EIF2AK1: variants seen among roughly 807,000 people sequenced by gnomAD.
EIF2AK1 encodes eukaryotic translation initiation factor 2-alpha kinase 1.
EIF2AK1 carries 54 observed loss-of-function variants against 77.9 expected under a neutral mutation model. That is an observed-to-expected ratio of 0.69 (90% CI 0.56 to 0.87). The LOEUF (loss-of-function observed/expected upper bound fraction) is 0.87. Ranked by LOEUF, EIF2AK1 falls within the 40% of genes least tolerant of loss-of-function variation. The pLI, the probability that EIF2AK1 is intolerant of heterozygous loss-of-function variation, is 0.00. For missense variants in EIF2AK1, 810 were observed against 768.6 expected, an observed-to-expected ratio of 1.05 and a Z score of -0.64; for synonymous variants, 314 against 290.5, an observed-to-expected ratio of 1.08 and a Z score of -0.82.
chr7:6,029,904 T>C (rs1787855956), intron 11 of EIF2AK1, among the ~76,000 whole-genome samples: 1 of 151,304 alleles, frequency 6.6e-6, no homozygotes, highest in African/African-American at 2.4e-5. Context: ...TGCTTGAACC[T>C]GGGAGGCAGA....
At chr7:6,031,719 CCA>C in intron 11 of EIF2AK1, 1 of 890,152 alleles carries the variant, frequency 1.1e-6, no homozygotes, top group Non-Finnish European at 1.7e-6. Flanking sequence ...CCAGCTCACT[CCA>C]CACACACTGC....
At chr7:6,053,664 A>G (rs1049329148) in intron 2 of EIF2AK1, among the ~76,000 whole-genome samples, 1 of 86,380 alleles carries the variant, frequency 1.2e-5, no homozygotes, top group Admixed American at 1.4e-4. Context: ...CGCCCAGCCC[A>G]TTCTTTTTTT....
Position 6,023,922 on chromosome 7 carries a change from CA to C in EIF2AK1, c.*750del. 3 of 1,475,678 alleles carry C rather than the reference CA, an allele frequency of 2.0e-6. No individual in the cohort carries two copies. Among genetic ancestry groups the C allele is most frequent in the Non-Finnish European group, 2.7e-6 (3 of 1,108,162 alleles). The allele number at this position is 1,475,678 out of a possible 1,614,324, so 91.4% of individuals were successfully genotyped here. ...TCCATGGCAGACCCTTTCTGGGATTCAAAAACCAATTCATCAGATCGCTGCC... is the reference window on the plus strand; with the variant it reads ...TCCATGGCAGACCCTTTCTGGGATTCAAAACCAATTCATCAGATCGCTGCC... On this transcript the variant is annotated 3_prime_UTR_variant, in exon 15 of 15. Coordinates refer to ENST00000199389, the MANE Select transcript of EIF2AK1 (RefSeq NM_014413.4).
chr7:6,025,455 C>T (rs1787716100), intron 14 of EIF2AK1, among the ~76,000 whole-genome samples: 1 of 151,970 alleles, frequency 6.6e-6, no homozygotes, highest in Non-Finnish European at 1.5e-5. Flanking sequence ...CCACCACGCC[C>T]AATGCTTGTA....
At position 6,024,614 on chromosome 7, in the gene EIF2AK1, C is replaced by T; in HGVS notation, c.*59G>A. The T allele has an allele frequency of 6.2e-7, 1 of 1,609,762 alleles. No homozygotes were observed. Among genetic ancestry groups the T allele is most frequent in the East Asian group, 2.2e-5 (1 of 44,718 alleles). ...ACAACGAAGCATTGTACCAACTATA[C>T]CCTAATAAAGATTAAAAATTTACAT... On this transcript the variant is annotated 3_prime_UTR_variant, in exon 15 of 15. Coordinates refer to ENST00000199389, the MANE Select transcript of EIF2AK1 (RefSeq NM_014413.4).
chr7:6,052,005 T>C (rs1430572764), intron 2 of EIF2AK1, among the ~76,000 whole-genome samples: 1 of 151,754 alleles, frequency 6.6e-6, no homozygotes, highest in Non-Finnish European at 1.5e-5. Context: ...ACTCCGTCTC[T>C]ACTAAAAATA....
At chr7:6,055,247 G>T (rs1267433041) in intron 1 of EIF2AK1, among the ~76,000 whole-genome samples, 1 of 148,754 alleles carries the variant, frequency 6.7e-6, no homozygotes, top group Non-Finnish European at 1.5e-5. Context: ...GGAGGCTGAG[G>T]CAGGAAAATA....
rs1432052785 is a variant in EIF2AK1, at chr7:6,033,037, C to T, written c.1333-4005G>A. 17 of 960,208 alleles carry T rather than the reference C, an allele frequency of 1.8e-5. No homozygotes were observed. The highest frequency in any genetic ancestry group is 3.0e-4 in the Middle Eastern group (1 of 3,308). The allele number at this position is 960,208 out of a possible 1,614,324, so 59.5% of individuals were successfully genotyped here. Reference sequence around the variant, plus strand: ...AGGCTGGAGTGCAATGGCACAATCTCGCCTCACTGCAACCTCTACTTCCTG... The same window carrying T: ...AGGCTGGAGTGCAATGGCACAATCTTGCCTCACTGCAACCTCTACTTCCTG... On this transcript the variant is annotated intron_variant, in intron 11 of 14. Coordinates refer to ENST00000199389, the MANE Select transcript of EIF2AK1 (RefSeq NM_014413.4). This position sits in a 1 kb window ranked among gnomAD's most constrained non-coding sequence, Gnocchi z 4.4.
In EIF2AK1 at chr7:6,024,777, T is replaced by C. The variant is rs1247593341; in HGVS notation, c.1789A>G (p.Ile597Val). 2 of 1,578,444 alleles carry C rather than the reference T, an allele frequency of 1.3e-6. No individual in the cohort carries two copies. The highest frequency in any genetic ancestry group is 2.3e-5 in the East Asian group (1 of 43,880). Reference protein sequence around the residue: ...GNVNLTLQMKIIEQEKEIAEL... With the variant: ...GNVNLTLQMKVIEQEKEIAEL... ...GCAATTTCTTTTTCTTGCTCTATTA[T>C]CTTCATCTGTAGGGTGAGGTTAACC... Residue 597 changes from isoleucine to valine, a missense_variant, in exon 15 of 15, where the codon ATA becomes GTA. By Grantham distance (29) the Ile-to-Val change is conservative. Around this residue, in one of 3 missense-constraint regions of EIF2AK1, gnomAD observed 549 missense variants for 533.7 expected, o/e 1.03. Coordinates refer to ENST00000199389, the MANE Select transcript of EIF2AK1 (RefSeq NM_014413.4).
chr7:6,030,670 T>A (rs1787884788), intron 11 of EIF2AK1, among the ~76,000 whole-genome samples: 1 of 152,164 alleles, frequency 6.6e-6, no homozygotes, highest in Admixed American at 6.5e-5. Context: ...AGCTACTTTT[T>A]GTATTTTTAG....
intron 14 of EIF2AK1, 127 bp from the exon 15 acceptor site, chr7:6,024,928 T>G: frequency 1.6e-6 from 1 of 633,366 alleles, no homozygotes; most frequent in Non-Finnish European, 2.4e-6. Flanking sequence ...AACCTGTGCC[T>G]CCCCAGTTCA....
In EIF2AK1 at chr7:6,026,953, CAT is replaced by C; in HGVS notation, c.1537_1538del (p.Met513ValfsTer38). On this transcript the variant is annotated frameshift_variant, in exon 14 of 15. Transcript: ENST00000199389. LOFTEE classifies it high-confidence loss of function. ...CTAGCAGGACCACACCCAAGCTGTA[CAT>C]ATCTGACTGGAAAAAGAAAAAAAGG... ...EGSEYDAKSD[M>X]YSLGVVLLEL... is the part of the protein sequence containing the mutation. 1 of 1,613,590 alleles carries C rather than the reference CAT, an allele frequency of 6.2e-7. No individual in the cohort carries two copies. The highest frequency in any genetic ancestry group is 8.5e-7 in the Non-Finnish European group (1 of 1,179,822).
intron 11 of EIF2AK1, chr7:6,031,598 T>G: frequency 1.0e-5 from 16 of 1,550,404 alleles, no homozygotes; most frequent in Non-Finnish European, 1.4e-5. Flanking sequence ...CCAGGTACCC[T>G]CTTTTCTGCT....
At chr7:6,039,648 G>A (rs1788237208) in intron 9 of EIF2AK1, among the ~76,000 whole-genome samples, 1 of 135,602 alleles carries the variant, frequency 7.4e-6, no homozygotes. Context: ...AAAAAGCACA[G>A]GCTTGGTAGG....
chr7:6,059,004 A>T lies in EIF2AK1; in HGVS notation c.80T>A (p.Ile27Asn). ...GAGAVAAPPA[I>N]DFPAEGPDPE... ...GTCCGGGCCCTCGGCGGGAAAGTCG[A>T]TGGCCGGCGGCGCAGCCACAGCCCC... Residue 27 changes from isoleucine (I) to asparagine (N), a missense_variant, in exon 1 of 15, where the codon ATC becomes AAC. Ile to Asn is a moderately radical substitution (Grantham distance 149). Transcript: ENST00000199389. 6.5e-7 allele frequency: 1 copy of T among 1,540,414 alleles called. No individual in the cohort carries two copies. Among genetic ancestry groups the T allele is most frequent in the Non-Finnish European group, 8.7e-7 (1 of 1,147,432 alleles).
chr7:6,058,823 C>T, intron 1 of EIF2AK1, 143 bp downstream of exon 1: 1 of 651,358 alleles, frequency 1.5e-6, no homozygotes, highest in Non-Finnish European at 2.4e-6. Flanking sequence ...CCCCCTCGCA[C>T]TGCGCGGCTG....
chr7:6,031,428 AG>A (rs1174416637), intron 11 of EIF2AK1: 24 of 1,550,822 alleles, frequency 1.5e-5, no homozygotes, highest in Non-Finnish European at 2.0e-5. Flanking sequence ...GACAGTGCCA[AG>A]TCCCTGGAAG....
chr7:6,045,627 C>T (rs1218844076), intron 6 of EIF2AK1, among the ~76,000 whole-genome samples: 1 of 151,798 alleles, frequency 6.6e-6, no homozygotes, highest in East Asian at 1.9e-4. Flanking sequence ...CAGAACCACA[C>T]AGCATGTCAG....
At chr7:6,037,150 G>C (rs1788124147) in intron 11 of EIF2AK1, among the ~76,000 whole-genome samples, 1 of 151,978 alleles carries the variant, frequency 6.6e-6, no homozygotes, top group South Asian at 2.1e-4. Context: ...AGGATCGCTT[G>C]AGCCTGGGAG....
Sources: allele counts gnomAD v4.1 joint callset (sites outside exome capture counted in the v4.1 genomes callset), GRCh38; gene constraint gnomAD v4.1.1; regional missense constraint gnomAD v4.1.1; non-coding constraint Gnocchi (gnomAD v3.1); transcripts MANE v1.5; gene names NCBI Gene and HGNC (gene_info 2026-07-23, HGNC 2026-07-21).